FRMPD4: variants seen among roughly 807,000 people sequenced by gnomAD.
The protein encoded by FRMPD4 is FERM and PDZ domain containing 4, also known as FERM and PDZ domain-containing protein 4.
FRMPD4 carries 22 observed loss-of-function variants against 94.1 expected under a neutral mutation model. That is an observed-to-expected ratio of 0.23 (90% CI 0.17 to 0.33). The LOEUF is 0.33. Ranked by LOEUF, FRMPD4 falls within the 10% of genes least tolerant of loss-of-function variation. The pLI, the probability that FRMPD4 is intolerant of heterozygous loss-of-function variation, is 1.00. For missense variants in FRMPD4, 1,111 were observed against 1,339.9 expected, an observed-to-expected ratio of 0.83 and a Z score of 2.67; for synonymous variants, 631 against 548.6, an observed-to-expected ratio of 1.15 and a Z score of -2.10.
At position 12,123,766 on chromosome X, in the gene FRMPD4, G is replaced by A. The variant is rs191586926; in HGVS notation, c.95+245748G>A. Among the ~76,000 whole-genome samples, 411 of 111,295 alleles carry A rather than the reference G, an allele frequency of 3.7e-3. 3 individuals carry two copies. Among genetic ancestry groups the A allele is most frequent in the African/African-American group, 0.013 (398 of 30,621 alleles). ...AACCTTCTAAACTTCTTGGGTAAAAGTTTAGATGGGGTGTTGTGCCTGTGC... is the reference window on the plus strand; with the variant it reads ...AACCTTCTAAACTTCTTGGGTAAAAATTTAGATGGGGTGTTGTGCCTGTGC... On this transcript the variant is annotated intron_variant, in intron 3 of 18. Coordinates refer to the FRMPD4 transcript ENST00000640291.
At chrX:11,900,165 G>A (rs2053926913) in intron 3 of FRMPD4, among the ~76,000 whole-genome samples, 1 of 104,770 alleles carries the variant, frequency 9.5e-6, no homozygotes, top group Non-Finnish European at 2.0e-5. Context: ...ATGCTTTCTT[G>A]ATTGGGTGAT....
chrX:12,532,929 G>C (rs138466244), intron 2 of FRMPD4, among the ~76,000 whole-genome samples: 22 of 112,409 alleles, frequency 2.0e-4, no homozygotes, highest in African/African-American at 7.1e-4. Flanking sequence ...ATATTATTTT[G>C]ATAATTATGT....
In FRMPD4 at chrX:12,720,989, C is replaced by T; in HGVS notation, c.4420C>T (p.Pro1474Ser). ...TGAGGGGAGGTTTCACAAAAGGTCC[C>T]CAGTGGCTCATAAAGACTCAAAGCT... ...SSEGRFHKRSPVAHKDSKLYR... is the reference protein window; with the variant it reads ...SSEGRFHKRSSVAHKDSKLYR... The change falls in exon 17 of 17, where the codon CCA (proline) becomes TCA (serine). Residue 1474 changes from proline (P) to serine (S), a missense_variant. Around this residue, in one of 8 missense-constraint regions of FRMPD4, gnomAD observed 551 missense variants for 591.6 expected, o/e 0.93. Transcript: ENST00000675598. The T allele has an allele frequency of 1.3e-6, 1 of 774,434 alleles. No homozygotes were observed. Among genetic ancestry groups the T allele is most frequent in the Non-Finnish European group, 1.5e-6 (1 of 650,539 alleles). The allele number at this position is 774,434 out of a possible 1,213,427, so 63.8% of individuals were successfully genotyped here.
rs147300543 is a variant in FRMPD4, at chrX:11,857,497, A to G, written c.-160-7589A>G. On this transcript the variant is annotated intron_variant, in intron 1 of 18. Coordinates refer to the FRMPD4 transcript ENST00000640291. ...ATGAATGGCGCTGGGAGAACTACCT[A>G]GCCGCGTGCAGAAGATTGAAACTGA... is the stretch of plus-strand genomic sequence containing the variant. Among the ~76,000 whole-genome samples, 34 of 112,789 alleles carry G rather than the reference A, an allele frequency of 3.0e-4. No homozygotes were observed. The East Asian group carries it at 6.4e-3, about 21-fold the overall frequency.
At chrX:12,565,041 C>T (rs373843163) in intron 2 of FRMPD4, among the ~76,000 whole-genome samples, 1 of 106,848 alleles carries the variant, frequency 9.4e-6, no homozygotes, top group African/African-American at 3.4e-5. Context: ...GAGCGGAGAT[C>T]GTGCCACTGC....
At chrX:11,994,841 T>C (rs2054488169) in intron 3 of FRMPD4, among the ~76,000 whole-genome samples, 1 of 111,944 alleles carries the variant, frequency 8.9e-6, no homozygotes, top group Admixed American at 9.5e-5. Context: ...ACTTAGTCCA[T>C]AGACTTCTAG....
At chrX:11,921,744 T>G (rs913160819) in intron 3 of FRMPD4, among the ~76,000 whole-genome samples, 3 of 112,289 alleles carry the variant, frequency 2.7e-5, no homozygotes, top group Non-Finnish European at 5.6e-5. Context: ...AGTTAACATG[T>G]AATATGAACT....
At chrX:12,222,759 T>C (rs2056883052) in intron 1 of FRMPD4, among the ~76,000 whole-genome samples, 1 of 112,377 alleles carries the variant, frequency 8.9e-6, no homozygotes. Flanking sequence ...TGTAGTCCTT[T>C]CTGTTTGGCT....
At chrX:12,139,237 A>G (rs1206166960) in intron 1 of FRMPD4, among the ~76,000 whole-genome samples, 2 of 110,883 alleles carry the variant, frequency 1.8e-5, no homozygotes, top group East Asian at 5.7e-4. Context: ...ACATGCCCTC[A>G]CCAACACACC....
At chrX:12,111,937 G>A (rs2055366270) in intron 3 of FRMPD4, among the ~76,000 whole-genome samples, 1 of 111,197 alleles carries the variant, frequency 9.0e-6, no homozygotes. Context: ...GAGAGGATGT[G>A]GAGAAATAGG....
chrX:11,992,574 C>A (rs1345818371), intron 3 of FRMPD4, among the ~76,000 whole-genome samples: 3 of 110,978 alleles, frequency 2.7e-5, no homozygotes, highest in Non-Finnish European at 5.7e-5. Flanking sequence ...GAACTTGGAG[C>A]AAAGGGATAT....
chrX:12,103,916 G>C lies in FRMPD4; in HGVS notation c.95+225898G>C, dbSNP rs899331485. ...CCTCTGTCTTAGTCTATTTTGTGCT[G>C]CTATAACAGACTACCACAGACTGGG... On this transcript the variant is annotated intron_variant, in intron 3 of 18. Transcript: ENST00000640291. Among the ~76,000 whole-genome samples the C allele has an allele frequency of 8.1e-5, 9 of 111,609 alleles. 1 individual carries two copies. Among genetic ancestry groups the C allele is most frequent in the Non-Finnish European group, 7.5e-5 (4 of 53,142 alleles).
chrX:12,025,831 A>T (rs2054657667), intron 3 of FRMPD4, among the ~76,000 whole-genome samples: 1 of 111,842 alleles, frequency 8.9e-6, no homozygotes, highest in African/African-American at 3.2e-5. Flanking sequence ...AAGCCTGATG[A>T]CTGCAACTAC....
chrX:12,617,250 G>A (rs2148428376), intron 4 of FRMPD4, among the ~76,000 whole-genome samples: 1 of 111,822 alleles, frequency 8.9e-6, no homozygotes, highest in Non-Finnish European at 1.9e-5. Flanking sequence ...TTTAAAAGTT[G>A]AAAAAATATA....
chrX:12,654,053 G>A (rs780846196), intron 4 of FRMPD4, among the ~76,000 whole-genome samples: 2 of 112,119 alleles, frequency 1.8e-5, no homozygotes, highest in Non-Finnish European at 3.8e-5. Flanking sequence ...TTACAGGCGT[G>A]AGCCACCGTG....
intron 3 of FRMPD4, among the ~76,000 whole-genome samples, chrX:12,110,832 A>G (rs144156241): frequency 0.076 from 8,388 of 111,059 alleles, 868 homozygotes; most frequent in East Asian, 0.58. Context: ...TGCTTCAAAG[A>G]GAATAAAATA....
At chrX:12,506,729 T>C (rs2057989473) in intron 2 of FRMPD4, among the ~76,000 whole-genome samples, 1 of 112,825 alleles carries the variant, frequency 8.9e-6, no homozygotes, top group African/African-American at 3.2e-5. Context: ...ATGATACAAT[T>C]TGTATTTCAT....
intron 3 of FRMPD4, among the ~76,000 whole-genome samples, chrX:11,913,218 G>A (rs2054006136): frequency 8.9e-6 from 1 of 112,265 alleles, no homozygotes; most frequent in Admixed American, 9.4e-5. Context: ...TTTTTGGTGA[G>A]TACAGTCAGG....
At chrX:12,314,889 T>C (rs2055090470) in intron 1 of FRMPD4, among the ~76,000 whole-genome samples, 2 of 112,065 alleles carry the variant, frequency 1.8e-5, no homozygotes, top group Non-Finnish European at 3.8e-5. Context: ...TTTATAAATA[T>C]TCATTTAAAT....
Sources: gnomAD v4.1 joint callset for allele counts (sites outside exome capture counted in the v4.1 genomes callset) on GRCh38, gnomAD v4.1.1 for gene constraint, gnomAD v4.1.1 regional missense constraint, MANE v1.5 for transcripts, NCBI Gene and HGNC (gene_info 2026-07-23, HGNC 2026-07-21) for gene names.